Variants in IL1RAPL1 observed in about 807,000 individuals in gnomAD.
IL1RAPL1 encodes interleukin 1 receptor accessory protein like 1, also known as interleukin-1 receptor accessory protein-like 1.
IL1RAPL1 carries 3 observed loss-of-function variants against 48.4 expected under a neutral mutation model. That is an observed-to-expected ratio of 0.06 (90% CI 0.03 to 0.16). The LOEUF is 0.16. IL1RAPL1 is among the 10% of genes least tolerant of loss of function. IL1RAPL1 has a pLI of 1.00. For missense variants in IL1RAPL1, 349 were observed against 530.6 expected (o/e 0.66, Z 3.36); for synonymous variants, 185 against 187.7 (o/e 0.99, Z 0.12).
intron 3 of IL1RAPL1, among the ~76,000 whole-genome samples, chrX:29,371,115 A>C (rs1294389351): frequency 1.0e-5 from 1 of 96,212 alleles, no homozygotes; most frequent in Non-Finnish European, 2.1e-5. Flanking sequence ...TATTTCTCCT[A>C]TCTAAATGTA....
At chrX:28,664,783 A>G (rs1934857606) in intron 1 of IL1RAPL1, among the ~76,000 whole-genome samples, 1 of 111,510 alleles carries the variant, frequency 9.0e-6, no homozygotes, top group South Asian at 3.7e-4. Context: ...TTTTCTCAGA[A>G]CTCAGAGAAC....
chrX:29,847,908 G>C (rs1201417610), intron 6 of IL1RAPL1, among the ~76,000 whole-genome samples: 1 of 110,974 alleles, frequency 9.0e-6, no homozygotes, highest in Non-Finnish European at 1.9e-5. Context: ...TGCCAAATTT[G>C]TACATTTTGA....
chrX:29,776,410 G>A (rs180900020), intron 6 of IL1RAPL1, among the ~76,000 whole-genome samples: 330 of 111,409 alleles, frequency 3.0e-3, no homozygotes, highest in African/African-American at 0.01. Flanking sequence ...CCTTGTAATC[G>A]TATTACTTTT....
At chrX:29,541,456 T>C (rs926386933) in intron 5 of IL1RAPL1, among the ~76,000 whole-genome samples, 2 of 111,558 alleles carry the variant, frequency 1.8e-5, no homozygotes, top group Non-Finnish European at 3.8e-5. Flanking sequence ...AAATAAGTCA[T>C]TCTCCCAGAA....
rs186781534 is a variant in IL1RAPL1 at position 28,733,140 on chromosome X, A to G, written c.-24-56180A>G. On this transcript the variant is annotated intron_variant, in intron 1 of 10. Coordinates refer to ENST00000378993, the MANE Select transcript of IL1RAPL1 (RefSeq NM_014271.4). ...TATATACAGGTGCACACACAGTTAT[A>G]TATATATATACATACTTAGGACAGT... Among the ~76,000 whole-genome samples, 826 of 109,785 alleles carry G rather than the reference A, an allele frequency of 7.5e-3. 6 individuals carry two copies. Among genetic ancestry groups the G allele is most frequent in the Non-Finnish European group, 0.012 (617 of 52,920 alleles).
chrX:29,741,912 G>A (rs190829602), intron 6 of IL1RAPL1, among the ~76,000 whole-genome samples: 2,057 of 80,458 alleles, frequency 0.026, 75 homozygotes, highest in African/African-American at 0.096. Context: ...GCAATAGAGC[G>A]AGACTCCGTC....
intron 3 of IL1RAPL1, among the ~76,000 whole-genome samples, chrX:29,365,773 T>C (rs1933444760): frequency 1.8e-5 from 2 of 109,839 alleles, no homozygotes; most frequent in African/African-American, 6.6e-5. Context: ...GCGCAGTTTC[T>C]CACGCCTGTA....
chrX:29,785,309 C>T (rs944417156), intron 6 of IL1RAPL1, among the ~76,000 whole-genome samples: 8 of 112,218 alleles, frequency 7.1e-5, no homozygotes, highest in African/African-American at 2.6e-4. Flanking sequence ...AACTATTATA[C>T]ACATGTTAGA....
At chrX:28,737,109 CTT>C (rs1218462310) in intron 1 of IL1RAPL1, among the ~76,000 whole-genome samples, 1 of 94,527 alleles carries the variant, frequency 1.1e-5, no homozygotes, top group Non-Finnish European at 2.1e-5. Flanking sequence ...TTTCTTTTCT[CTT>C]CTTTTCCTTC....
intron 2 of IL1RAPL1, among the ~76,000 whole-genome samples, chrX:29,125,322 T>C (rs760671238): frequency 8.9e-6 from 1 of 112,334 alleles, no homozygotes; most frequent in South Asian, 3.6e-4. Context: ...TTTTAGTTGT[T>C]AAAAGCGTCA....
intron 1 of IL1RAPL1, among the ~76,000 whole-genome samples, chrX:28,766,849 A>ATGT (rs1423852748): frequency 9.0e-6 from 1 of 111,177 alleles, no homozygotes; most frequent in African/African-American, 3.3e-5. Context: ...AGTTCCATCC[A>ATGT]TGTTGTTGCA....
chrX:28,600,724 C>G (rs1370111291), intron 1 of IL1RAPL1, among the ~76,000 whole-genome samples: 1 of 111,463 alleles, frequency 9.0e-6, no homozygotes, highest in Non-Finnish European at 1.9e-5. Flanking sequence ...AGCAGTGTTT[C>G]ATTAGCATTA....
chrX:29,826,633 G>A (rs1048672770), intron 6 of IL1RAPL1, among the ~76,000 whole-genome samples: 5 of 111,362 alleles, frequency 4.5e-5, no homozygotes, highest in Admixed American at 9.5e-5. Flanking sequence ...AAAAGGTATC[G>A]TACATGTGGT....
chrX:29,609,758 C>T (rs1461848015), intron 5 of IL1RAPL1, among the ~76,000 whole-genome samples: 1 of 111,824 alleles, frequency 8.9e-6, no homozygotes, highest in African/African-American at 3.3e-5. Context: ...TTAACAGTCT[C>T]GGATTATGTA....
At chrX:29,500,450 G>A (rs1218370617) in intron 5 of IL1RAPL1, among the ~76,000 whole-genome samples, 1 of 111,140 alleles carries the variant, frequency 9.0e-6, no homozygotes, top group African/African-American at 3.3e-5. Flanking sequence ...CCTGGCCTCA[G>A]GTAACTGCCA....
chrX:29,254,513 C>T (rs1171554623), intron 2 of IL1RAPL1, among the ~76,000 whole-genome samples: 1 of 109,544 alleles, frequency 9.1e-6, no homozygotes, highest in Non-Finnish European at 1.9e-5. Context: ...GAGAGAGAGG[C>T]AGCAATTTCT....
intron 5 of IL1RAPL1, among the ~76,000 whole-genome samples, chrX:29,640,942 A>C (rs1250438920): frequency 9.0e-6 from 1 of 111,432 alleles, no homozygotes; most frequent in African/African-American, 3.3e-5. Context: ...AGGCAGGAGG[A>C]TTGCTTGAGC....
rs1229542213 is a variant in IL1RAPL1, at chrX:29,626,578, C to T, written c.704-41852C>T. Among the ~76,000 whole-genome samples the T allele has an allele frequency of 2.7e-5, 3 of 112,196 alleles. No homozygotes were observed. In the East Asian group the frequency reaches 8.3e-4, roughly 31 times the overall value. On this transcript the variant is annotated intron_variant, in intron 5 of 10. Transcript: ENST00000378993. The stretch of plus-strand genomic sequence containing the variant: ...CTTAAGTAAAAGTGATGCAAACTCA[C>T]AAGCTGTTGGCAGAAGTTGTTTTCT...
At chrX:29,023,264 T>C (rs966436414) in intron 2 of IL1RAPL1, among the ~76,000 whole-genome samples, 2 of 112,569 alleles carry the variant, frequency 1.8e-5, no homozygotes, top group East Asian at 2.8e-4. Context: ...TCTTTCTCCC[T>C]CTTTCATTTT....
Sources: gnomAD v4.1 joint callset for allele counts (sites outside exome capture counted in the v4.1 genomes callset) on GRCh38, gnomAD v4.1.1 for gene constraint, MANE v1.5 for transcripts, NCBI Gene and HGNC (gene_info 2026-07-23, HGNC 2026-07-21) for gene names.